Variants in ALK observed in about 807,000 individuals in gnomAD.
ALK encodes the protein ALK receptor tyrosine kinase.
In ALK, 74 loss-of-function variants were observed where a neutral mutation model predicts 163.1. The observed-to-expected ratio is 0.45, with a 90% confidence interval of 0.38 to 0.55. The LOEUF (loss-of-function observed/expected upper bound fraction) is 0.55, where lower values mean the gene tolerates loss of function less well. Among genes scored for constraint, ALK ranks in the 20% least tolerant of loss-of-function variants. The pLI is 0.00. For synonymous variants in ALK, 960 were observed against 843.2 expected, an observed-to-expected ratio of 1.14 and a Z score of -2.40; for missense variants, 2,063 against 2,105.3, an observed-to-expected ratio of 0.98 and a Z score of 0.39.
chr2:29,701,452 C>T (rs1290507351), intron 2 of ALK, among the ~76,000 whole-genome samples: 1 of 152,154 alleles, frequency 6.6e-6, no homozygotes, highest in Admixed American at 6.5e-5. Context: ...GGCCTTGCAG[C>T]CTCAGGCCAC....
chr2:29,824,862 GT>G (rs1665153682), intron 1 of ALK, among the ~76,000 whole-genome samples: 1 of 152,040 alleles, frequency 6.6e-6, no homozygotes, highest in South Asian at 2.1e-4. Context: ...ATGCATGATT[GT>G]TTTGAAATGT....
intron 3 of ALK, among the ~76,000 whole-genome samples, chr2:29,605,719 T>G (rs957775811): frequency 1.3e-5 from 2 of 152,176 alleles, no homozygotes; most frequent in African/African-American, 4.8e-5. Context: ...CCTCCAGAAC[T>G]ATGAGAAATC....
intron 2 of ALK, among the ~76,000 whole-genome samples, chr2:29,699,406 C>T (rs1678667102): frequency 6.6e-6 from 1 of 152,170 alleles, no homozygotes; most frequent in African/African-American, 2.4e-5. Context: ...AATGAAAGGA[C>T]TACCCCAAGG....
At chr2:29,223,222 G>C (rs1384553591) in intron 20 of ALK, 120 bp downstream of exon 20, 2 of 1,045,800 alleles carry the variant, frequency 1.9e-6, no homozygotes, top group Admixed American at 3.9e-5. Context: ...AGGAGGGCTA[G>C]GGGTGCCCAT....
chr2:29,495,087 C>T (rs1671993345), intron 4 of ALK, among the ~76,000 whole-genome samples: 1 of 152,176 alleles, frequency 6.6e-6, no homozygotes, highest in Non-Finnish European at 1.5e-5. Flanking sequence ...TAACATTTGG[C>T]ATCTGGAAGA....
intron 3 of ALK, among the ~76,000 whole-genome samples, chr2:29,574,064 A>AT (rs964462300): frequency 3.9e-4 from 11 of 28,512 alleles, no homozygotes; most frequent in South Asian, 1.4e-3. Flanking sequence ...TCTGAAAAAA[A>AT]TAAAAAAAAA....
chr2:29,279,193 G>C (rs979801878), intron 9 of ALK, among the ~76,000 whole-genome samples: 8 of 152,224 alleles, frequency 5.3e-5, no homozygotes, highest in Non-Finnish European at 1.2e-4. Context: ...TGCTCTGCGC[G>C]GCGACAGCAG....
At chr2:29,889,742 A>AGAGAGG (rs1558535369) in intron 1 of ALK, among the ~76,000 whole-genome samples, 22 of 120,562 alleles carry the variant, frequency 1.8e-4, no homozygotes, top group African/African-American at 6.5e-4. Flanking sequence ...AGAGAGAGAG[A>AGAGAGG]GAGAGAGAGA....
At chr2:29,753,458 C>G (rs1680430844) in intron 1 of ALK, among the ~76,000 whole-genome samples, 1 of 152,172 alleles carries the variant, frequency 6.6e-6, no homozygotes, top group Admixed American at 6.5e-5. Flanking sequence ...GATTGCCTGG[C>G]TTCCCCCTCT....
chr2:29,233,993 GTTTT>G (rs769726076), intron 13 of ALK, among the ~76,000 whole-genome samples: 1 of 150,354 alleles, frequency 6.7e-6, no homozygotes, highest in East Asian at 1.9e-4. Flanking sequence ...AGGATAGGGA[GTTTT>G]TTTTTGTTTG....
At chr2:29,766,691 T>A (rs1680872309) in intron 1 of ALK, among the ~76,000 whole-genome samples, 1 of 152,212 alleles carries the variant, frequency 6.6e-6, no homozygotes. Flanking sequence ...ATATGCATAG[T>A]AACTAGTATC....
intron 4 of ALK, among the ~76,000 whole-genome samples, chr2:29,506,893 T>C (rs907074222): frequency 1.3e-5 from 2 of 152,184 alleles, no homozygotes; most frequent in South Asian, 2.1e-4. Flanking sequence ...AGTGAGGATG[T>C]AGAGACATTG....
intron 3 of ALK, among the ~76,000 whole-genome samples, chr2:29,594,433 T>C (rs1004611902): frequency 2.0e-5 from 3 of 150,510 alleles, no homozygotes; most frequent in South Asian, 2.1e-4. Flanking sequence ...TCACTTTTTT[T>C]TTTTTTTTTT....
At chr2:29,216,127 A>G (rs1305267607) in intron 23 of ALK, among the ~76,000 whole-genome samples, 1 of 152,116 alleles carries the variant, frequency 6.6e-6, no homozygotes, top group Non-Finnish European at 1.5e-5. Context: ...TGCCTGCATC[A>G]TCCCTCCTGC....
intron 5 of ALK, among the ~76,000 whole-genome samples, chr2:29,345,989 C>T (rs1667937578): frequency 6.6e-6 from 1 of 151,934 alleles, no homozygotes; most frequent in Non-Finnish European, 1.5e-5. Flanking sequence ...ATTATGAATG[C>T]TTTGAGCTCT....
intron 4 of ALK, among the ~76,000 whole-genome samples, chr2:29,395,432 C>T (rs1238706676): frequency 6.6e-6 from 1 of 152,182 alleles, no homozygotes; most frequent in Non-Finnish European, 1.5e-5. Flanking sequence ...CCCCCACCCA[C>T]ACCTTGCTAT....
chr2:29,655,839 T>A (rs1424475202), intron 3 of ALK, among the ~76,000 whole-genome samples: 1 of 152,202 alleles, frequency 6.6e-6, no homozygotes, highest in African/African-American at 2.4e-5. Context: ...TTGGAACGAA[T>A]CCAGGTCAAA....
At chr2:29,833,235 C>A (rs879505332) in intron 1 of ALK, among the ~76,000 whole-genome samples, 16 of 152,316 alleles carry the variant, frequency 1.1e-4, no homozygotes, top group South Asian at 4.1e-4. Flanking sequence ...AAAAGGCATC[C>A]CTGCTCTGCA....
chr2:29,641,281 C>T (rs1377967548), intron 3 of ALK, among the ~76,000 whole-genome samples: 2 of 151,976 alleles, frequency 1.3e-5, no homozygotes, highest in African/African-American at 4.8e-5. Context: ...GTCAGGGAGG[C>T]CACAGTCTTT....
Sources: allele counts gnomAD v4.1 joint callset (sites outside exome capture counted in the v4.1 genomes callset), GRCh38; gene constraint gnomAD v4.1.1; transcripts MANE v1.5; gene names NCBI Gene and HGNC (gene_info 2026-07-23, HGNC 2026-07-21).